Variants in CDKL4 observed in about 807,000 individuals in gnomAD.
The protein encoded by CDKL4 is cyclin-dependent kinase-like 4.
CDKL4 carries 44 observed loss-of-function variants against 42.0 expected under a neutral mutation model. The ratio of observed to expected loss-of-function variants is 1.05; its 90% CI spans 0.82 to 1.35. CDKL4 has a LOEUF of 1.35. Among genes scored for constraint, CDKL4 ranks in the 40% most tolerant of loss-of-function variants. CDKL4 has a pLI of 0.00. For synonymous variants in CDKL4, 120 were observed against 121.6 expected (o/e 0.99, Z 0.09); for missense variants, 393 against 369.9 (o/e 1.06, Z -0.51).
chr2:39,218,152 T>C (rs1009573455), intron 3 of CDKL4, among the ~76,000 whole-genome samples: 2 of 152,230 alleles, frequency 1.3e-5, no homozygotes, highest in African/African-American at 4.8e-5. Context: ...CTTTTAGTTA[T>C]GAGTAATTTT....
At chr2:39,213,913 T>C (rs1283079970) in intron 3 of CDKL4, among the ~76,000 whole-genome samples, 1 of 147,054 alleles carries the variant, frequency 6.8e-6, no homozygotes, top group East Asian at 1.9e-4. Flanking sequence ...TGTTTTGTTT[T>C]GTTTTGTTTT....
chr2:39,207,209 A>G (rs1316979575), intron 4 of CDKL4, among the ~76,000 whole-genome samples: 1 of 151,958 alleles, frequency 6.6e-6, no homozygotes, highest in African/African-American at 2.4e-5. Context: ...CCAATGGTGA[A>G]ACTCAGTCTC....
chr2:39,194,096 G>A (rs906924015), intron 5 of CDKL4, among the ~76,000 whole-genome samples: 23 of 152,106 alleles, frequency 1.5e-4, no homozygotes, highest in African/African-American at 5.1e-4. Context: ...CACTTACTGC[G>A]TTCTCAAGAA....
At chr2:39,178,400 C>A in intron 9 of CDKL4, 1 of 641,868 alleles carries the variant, frequency 1.6e-6, no homozygotes, top group Non-Finnish European at 2.6e-6. Context: ...TTGGAAATTA[C>A]CAACTCAGTT....
rs199802809 is a variant in CDKL4 at position 39,179,321 on chromosome 2, C to G, written c.793G>C (p.Gly265Arg). 77 of 1,586,662 alleles carry G rather than the reference C, an allele frequency of 4.9e-5. No individual in the cohort carries two copies. The Middle Eastern group carries it at 1.3e-3, about 28-fold the overall frequency. ...TCATCTGGATTCATCTTCAGACACCCCTTTGGAGGAAGAGAATAGCAAAGA... is the reference window on the plus strand; with the variant it reads ...TCATCTGGATTCATCTTCAGACACCGCTTTGGAGGAAGAGAATAGCAAAGA... Residue 265 changes from glycine (G) to arginine (R), a missense_variant and splice_region_variant, in exon 9 of 10, where the codon GGG (glycine) becomes CGG (arginine). Physicochemically the swap from Gly to Arg is moderately radical, Grantham distance 125. Transcript: ENST00000451199.
At chr2:39,243,590 T>C (rs528317532) in intron 1 of CDKL4, among the ~76,000 whole-genome samples, 3 of 152,362 alleles carry the variant, frequency 2.0e-5, no homozygotes, top group South Asian at 2.1e-4. Context: ...TTCTCGGCCA[T>C]AGGTAGGCCT....
intron 2 of CDKL4, among the ~76,000 whole-genome samples, chr2:39,228,107 C>T (rs747917699): frequency 1.3e-5 from 2 of 152,134 alleles, no homozygotes; most frequent in South Asian, 2.1e-4. Flanking sequence ...TCCAGTTGGG[C>T]ACTTGTAATG....
At chr2:39,218,645 A>T (rs79170602) in intron 3 of CDKL4, among the ~76,000 whole-genome samples, 21,090 of 152,030 alleles carry the variant, frequency 0.14, 3,806 homozygotes, top group African/African-American at 0.42. Flanking sequence ...AACCCGTTGA[A>T]GGCCTGGATA....
intron 1 of CDKL4, among the ~76,000 whole-genome samples, chr2:39,230,612 T>A (rs1679038494): frequency 6.6e-6 from 1 of 152,154 alleles, no homozygotes; most frequent in Admixed American, 6.5e-5. Flanking sequence ...TTTAAATAAA[T>A]CAGTCTAAGA....
chr2:39,226,467 A>ATATATATATTATATATATTT (rs1553393185), intron 2 of CDKL4, among the ~76,000 whole-genome samples: 1 of 96,908 alleles, frequency 1.0e-5, no homozygotes, highest in African/African-American at 2.8e-5. Context: ...TATATATATT[A>ATATATATATTATATATATTT]TATATATATA....
At chr2:39,244,353 G>A (rs1050134085), upstream of CDKL4, among the ~76,000 whole-genome samples, 2 of 152,188 alleles carry the variant, frequency 1.3e-5, no homozygotes, top group African/African-American at 2.4e-5. Flanking sequence ...TGGGCTTGGC[G>A]GGCCCCGCAC....
chr2:39,227,619 C>T (rs1359178363), intron 2 of CDKL4, among the ~76,000 whole-genome samples: 2 of 152,166 alleles, frequency 1.3e-5, no homozygotes, highest in African/African-American at 2.4e-5. Context: ...TTTCTATGTG[C>T]TCCACTGCCT....
At chr2:39,206,002 C>T (rs1467384248) in intron 4 of CDKL4, among the ~76,000 whole-genome samples, 1 of 151,954 alleles carries the variant, frequency 6.6e-6, no homozygotes, top group African/African-American at 2.4e-5. Flanking sequence ...AGAATCCATA[C>T]TGGGAAAGTG....
At chr2:39,213,585 C>T (rs1347219829) in intron 3 of CDKL4, 113 bp from the exon 4 acceptor site, 2 of 588,474 alleles carry the variant, frequency 3.4e-6, no homozygotes, top group Non-Finnish European at 6.1e-6. Flanking sequence ...GAACACCATG[C>T]GGAAGGGTCC....
intron 6 of CDKL4, among the ~76,000 whole-genome samples, chr2:39,188,359 G>A (rs1331491989): frequency 6.6e-6 from 1 of 151,680 alleles, no homozygotes; most frequent in Non-Finnish European, 1.5e-5. Context: ...TCAAGAAATC[G>A]AGACCATCCT....
At chr2:39,231,642 T>C (rs11893383) in intron 1 of CDKL4, among the ~76,000 whole-genome samples, 6,249 of 152,316 alleles carry the variant, frequency 0.041, 438 homozygotes, top group African/African-American at 0.14. Context: ...AGTTATACTG[T>C]ATTTTTACCT....
downstream of CDKL4, among the ~76,000 whole-genome samples, chr2:39,171,657 AT>A (rs1407823600): frequency 2.0e-5 from 3 of 152,236 alleles, no homozygotes; most frequent in African/African-American, 4.8e-5. Context: ...CAAAGTCTGC[AT>A]TTTGAATGGC....
intron 3 of CDKL4, among the ~76,000 whole-genome samples, chr2:39,224,732 G>A (rs1678588616): frequency 6.6e-6 from 1 of 152,002 alleles, no homozygotes; most frequent in Non-Finnish European, 1.5e-5. Context: ...TAGAACACGT[G>A]AGTTCAAGTG....
intron 5 of CDKL4, 30 bp downstream of exon 5, chr2:39,204,497 T>C: frequency 8.5e-7 from 1 of 1,182,060 alleles, no homozygotes; most frequent in Non-Finnish European, 1.3e-6. Context: ...TCATCTGAAC[T>C]GGGTATTAGT....
Sources: gnomAD v4.1 joint callset for allele counts (sites outside exome capture counted in the v4.1 genomes callset) on GRCh38, gnomAD v4.1.1 for gene constraint, MANE v1.5 for transcripts, NCBI Gene and HGNC (gene_info 2026-07-23, HGNC 2026-07-21) for gene names.